Variants in FOXH1 observed in about 807,000 individuals in gnomAD.
FOXH1 encodes the protein forkhead box H1, also known as forkhead box protein H1.
A neutral mutation model predicts 14.2 loss-of-function variants in FOXH1; 10 were observed. The ratio of observed to expected loss-of-function variants is 0.70; its 90% CI spans 0.43 to 1.19. The LOEUF is 1.19. Among genes scored for constraint, FOXH1 ranks in the 50% most tolerant of loss-of-function variants. The probability of loss-of-function intolerance (pLI) is 0.00; values close to 1 mark genes in which losing one functional copy is unlikely to be tolerated. For missense variants in FOXH1, 643 were observed against 492.1 expected (o/e 1.31, Z -2.90); for synonymous variants, 273 against 209.5 (o/e 1.30, Z -2.62).
intron 1 of FOXH1, 42 bp downstream of exon 1, chr8:144,475,541 C>T (rs1393956384): frequency 3.5e-6 from 5 of 1,424,098 alleles, no homozygotes; most frequent in East Asian, 5.0e-5. Context: ...GGGTGGGGAA[C>T]GAGTCTGGGG....
chr8:144,475,148 C>T lies in FOXH1; in HGVS notation c.279+9G>A, dbSNP rs1259795256. On this transcript the variant is annotated intron_variant, in intron 2 of 2. Transcript: ENST00000377317. Reference sequence around the variant, plus strand: ...TCCGCCCCCGGGCTCCGACCCTGGCCTGCCCCACCTTGCGGAAGCATCGGT... The same window carrying T: ...TCCGCCCCCGGGCTCCGACCCTGGCTTGCCCCACCTTGCGGAAGCATCGGT... 1.2e-6 allele frequency: 2 copies of T among 1,612,776 alleles called. No homozygotes were observed. Among genetic ancestry groups the T allele is most frequent in the Non-Finnish European group, 1.7e-6 (2 of 1,179,558 alleles).
rs1825079949 is a variant in FOXH1, at chr8:144,474,560, G to A, written c.776C>T (p.Ala259Val). The A allele has an allele frequency of 9.3e-6, 15 of 1,610,770 alleles. No homozygotes were observed. The East Asian group carries it at 1.8e-4, about 19-fold the overall frequency. The change falls in exon 3 of 3, where the codon GCA becomes GTA. Residue 259 changes from alanine to valine, a missense_variant. Physicochemically the swap from Ala to Val is moderately conservative, Grantham distance 64. Transcript: ENST00000377317. ...CCCGCTGGACCGTCCCCCAGGAACT[G>A]CGGTGCCCTGCAGTAAGTGGAGAGG... is the stretch of plus-strand genomic sequence containing the variant. ...AWPLHLLQGT[A>V]VPGGRSSGGH...
At chr8:144,475,553 AAG>A (rs749719443) in intron 1 of FOXH1, 28 bp downstream of exon 1, 8 of 1,442,886 alleles carry the variant, frequency 5.5e-6, no homozygotes, top group African/African-American at 2.9e-5. Context: ...AGTCTGGGGA[AAG>A]AGAGAGTGGG....
In FOXH1 at chr8:144,474,215, G is replaced by A. The variant is rs541830947; in HGVS notation, c.*23C>T. On this transcript the variant is annotated 3_prime_UTR_variant, in exon 3 of 3. Transcript: ENST00000377317. ...AGGTGGGGGTGGGAGCGGGAGGGAG[G>A]AGTGGCCCCTGTCTTAAGAGCCTCA... The A allele has an allele frequency of 4.1e-4, 628 of 1,517,744 alleles. No homozygotes were observed. Among genetic ancestry groups the A allele is most frequent in the Non-Finnish European group, 5.2e-4 (584 of 1,128,346 alleles). The allele number at this position is 1,517,744 out of a possible 1,614,324, so 94.0% of individuals were successfully genotyped here.
At chr8:144,475,446 G>C in intron 1 of FOXH1, 137 bp downstream of exon 1, 1 of 849,434 alleles carries the variant, frequency 1.2e-6, no homozygotes. Context: ...GTCGTGCCTT[G>C]AGGCCCTCAG....
chr8:144,474,397 C>T lies in FOXH1; in HGVS notation c.939G>A (p.Val313=), dbSNP rs1825072775. The change falls in exon 3 of 3, where the codon GTG becomes GTA. Residue 313 remains valine, a synonymous_variant. Transcript: ENST00000377317. ...CTGGGGGCCCTCGGGTTTCAGGGGC[C>T]ACCCCCCAGTAGGCAGGGCTGGTTG... The part of the protein sequence containing the change: ...CPSTSPAYWG[V]APETRGPPGL... The T allele has an allele frequency of 2.5e-6, 4 of 1,613,158 alleles. No homozygotes were observed. Among genetic ancestry groups the T allele is most frequent in the Admixed American group, 1.7e-5 (1 of 60,012 alleles).
Position 144,474,198 on chromosome 8 carries a change from G to T in FOXH1, c.*40C>A. 1 of 1,453,174 alleles carries T rather than the reference G, an allele frequency of 6.9e-7. No homozygotes were observed. Among genetic ancestry groups the T allele is most frequent in the Non-Finnish European group, 9.3e-7 (1 of 1,079,426 alleles). 90.0% of individuals were successfully genotyped at this position (1,453,174 alleles called of 1,614,324 possible). A position where few individuals can be genotyped will look rare whatever the true frequency, so the allele number is the denominator to read the frequency against. ...TTGGCTCCCTGTCAACAAGGTGGGG[G>T]TGGGAGCGGGAGGGAGGAGTGGCCC... On this transcript the variant is annotated 3_prime_UTR_variant, in exon 3 of 3. Coordinates refer to ENST00000377317, the MANE Select transcript of FOXH1 (RefSeq NM_003923.3).
At position 144,474,809 on chromosome 8, in the gene FOXH1, G is replaced by A; in HGVS notation, c.527C>T (p.Ser176Phe). ...CCCCGGCCAGGGTGCCCCCTCCCCG[G>A]ACCCTCCTAGCAGGGACTTGATGCT... ...GFSIKSLLGG[S>F]GEGAPWPGLA... Residue 176 changes from serine to phenylalanine, a missense_variant, in exon 3 of 3, where the codon TCC becomes TTC. Coordinates refer to ENST00000377317, the MANE Select transcript of FOXH1 (RefSeq NM_003923.3). The A allele has an allele frequency of 1.2e-6, 2 of 1,609,238 alleles. No homozygotes were observed. The highest frequency in any genetic ancestry group is 1.7e-6 in the Non-Finnish European group (2 of 1,178,046).
At chr8:144,475,406 G>T in intron 1 of FOXH1, 145 bp from the exon 2 acceptor site, 1 of 920,710 alleles carries the variant, frequency 1.1e-6, no homozygotes, top group Non-Finnish European at 1.7e-6. Flanking sequence ...CGGAAGCGCG[G>T]CAGAGAGGGC....
intron 1 of FOXH1, 44 bp from the exon 2 acceptor site, chr8:144,475,305 G>A: frequency 6.6e-7 from 1 of 1,516,244 alleles, no homozygotes; most frequent in Middle Eastern, 1.8e-4. Context: ...GCCCAGACGG[G>A]GAGGGGGTAG....
chr8:144,474,226 G>A lies in FOXH1; in HGVS notation c.*12C>T, dbSNP rs763785097. 4 of 1,549,306 alleles carry A rather than the reference G, an allele frequency of 2.6e-6. No homozygotes were observed. Among genetic ancestry groups the A allele is most frequent in the Admixed American group, 3.9e-5 (2 of 51,878 alleles). On this transcript the variant is annotated 3_prime_UTR_variant, in exon 3 of 3. Coordinates refer to ENST00000377317, the MANE Select transcript of FOXH1 (RefSeq NM_003923.3). Reference sequence around the variant, plus strand: ...GGAGCGGGAGGGAGGAGTGGCCCCTGTCTTAAGAGCCTCACAGGCTGCACC... The same window carrying A: ...GGAGCGGGAGGGAGGAGTGGCCCCTATCTTAAGAGCCTCACAGGCTGCACC...
intron 1 of FOXH1, 39 bp from the exon 2 acceptor site, chr8:144,475,300 G>C (rs759905866): frequency 1.3e-6 from 2 of 1,542,158 alleles, no homozygotes; most frequent in South Asian, 2.3e-5. Context: ...CGTGAGCCCA[G>C]ACGGGGAGGG....
rs778693615 is a variant in FOXH1, at chr8:144,475,801, G to T, written c.-45C>A. The T allele has an allele frequency of 2.3e-6, 3 of 1,304,786 alleles. No homozygotes were observed. The highest frequency in any genetic ancestry group is 3.0e-6 in the Non-Finnish European group (3 of 1,013,536). 80.8% of individuals were successfully genotyped at this position (1,304,786 alleles called of 1,614,324 possible). A position where few individuals can be genotyped will look rare whatever the true frequency, so the allele number is the denominator to read the frequency against. The stretch of plus-strand genomic sequence containing the variant: ...GGGCAGGGGCCTGGCCGGGTGGAGG[G>T]TGCAGGGCGGTGGGGCAGTGTAGAA... On this transcript the variant is annotated 5_prime_UTR_variant, in exon 1 of 3. Coordinates refer to ENST00000377317, the MANE Select transcript of FOXH1 (RefSeq NM_003923.3).
In FOXH1 at chr8:144,475,254, C is replaced by A. The variant is rs138436343; in HGVS notation, c.182G>T (p.Arg61Leu). The stretch of plus-strand genomic sequence containing the variant: ...GAAGGGGAACACGGCCTGGACCTGA[C>A]GGATGATCTGAAACCGCCAGGCGGC... ...SRRLKLAQII[R>L]QVQAVFPFFR... is the part of the protein sequence containing the mutation. Residue 61 changes from arginine to leucine, a missense_variant, in exon 2 of 3, where the codon CGT becomes CTT. Arg to Leu is a moderately radical substitution (Grantham distance 102). Coordinates refer to ENST00000377317, the MANE Select transcript of FOXH1 (RefSeq NM_003923.3). 1.9e-6 allele frequency: 3 copies of A among 1,612,538 alleles called. No individual in the cohort carries two copies. Among genetic ancestry groups the A allele is most frequent in the East Asian group, 4.5e-5 (2 of 44,862 alleles).
In FOXH1 at chr8:144,475,258, T is replaced by C. The variant is rs1586728402; in HGVS notation, c.178A>G (p.Ile60Val). Residue 60 changes from isoleucine (I) to valine (V), a missense_variant, in exon 2 of 3, where the codon ATC (isoleucine) becomes GTC (valine). By Grantham distance (29) the Ile-to-Val change is conservative. Transcript: ENST00000377317. ...GGGAACACGGCCTGGACCTGACGGA[T>C]GATCTGAAACCGCCAGGCGGCCGGC... ...PSRRLKLAQIIRQVQAVFPFF... is the reference protein window; with the variant it reads ...PSRRLKLAQIVRQVQAVFPFF... 6.2e-7 allele frequency: 1 copy of C among 1,612,346 alleles called. No individual in the cohort carries two copies. Among genetic ancestry groups the C allele is most frequent in the Non-Finnish European group, 8.5e-7 (1 of 1,179,462 alleles).
Position 144,475,271 on chromosome 8 carries a change from C to CCAGG in FOXH1, c.175-14_175-11dup, listed in dbSNP as rs1564752487. ...GGACCTGACGGATGATCTGAAACCG[C>CCAGG]CAGGCGGCCGGCCGGCGCCGTGAGC... On this transcript the variant is annotated splice_polypyrimidine_tract_variant and intron_variant, in intron 1 of 2. Transcript: ENST00000377317. The CCAGG allele has an allele frequency of 6.2e-7, 1 of 1,608,544 alleles. No individual in the cohort carries two copies. The highest frequency in any genetic ancestry group is 8.5e-7 in the Non-Finnish European group (1 of 1,176,792).
chr8:144,474,877 T>G lies in FOXH1; in HGVS notation c.459A>C (p.Pro153=). 1 of 1,611,002 alleles carries G rather than the reference T, an allele frequency of 6.2e-7. No homozygotes were observed. Among genetic ancestry groups the G allele is most frequent in the Non-Finnish European group, 8.5e-7 (1 of 1,179,650 alleles). The change falls in exon 3 of 3, where the codon CCA becomes CCC. Residue 153 remains proline, a synonymous_variant. Coordinates refer to ENST00000377317, the MANE Select transcript of FOXH1 (RefSeq NM_003923.3). ...DLGPYVLHGR[P]YRPPSPPPPP... is the part of the protein sequence containing the mutation. ...GTGGCGGGGGACTGGGCGGCCGGTATGGCCGGCCGTGCAGCACGTAGGGGC... is the reference window on the plus strand; with the variant it reads ...GTGGCGGGGGACTGGGCGGCCGGTAGGGCCGGCCGTGCAGCACGTAGGGGC...
At chr8:144,475,409 G>A (rs1160347914) in intron 1 of FOXH1, 148 bp from the exon 2 acceptor site, 1 of 920,614 alleles carries the variant, frequency 1.1e-6, no homozygotes, top group Non-Finnish European at 1.7e-6. Flanking sequence ...AAGCGCGGCA[G>A]AGAGGGCAAG....
chr8:144,474,881 C>G lies in FOXH1; in HGVS notation c.455G>C (p.Arg152Pro). ...CGGGGGACTGGGCGGCCGGTATGGC[C>G]GGCCGTGCAGCACGTAGGGGCCCAG... Reference protein sequence around the residue: ...KDLGPYVLHGRPYRPPSPPPP... With the variant: ...KDLGPYVLHGPPYRPPSPPPP... The change falls in exon 3 of 3, where the codon CGG (arginine) becomes CCG (proline). Residue 152 changes from arginine (R) to proline (P), a missense_variant. Physicochemically the swap from Arg to Pro is moderately radical, Grantham distance 103. Transcript: ENST00000377317. 2 of 1,610,912 alleles carry G rather than the reference C, an allele frequency of 1.2e-6. No individual in the cohort carries two copies. Among genetic ancestry groups the G allele is most frequent in the Non-Finnish European group, 1.7e-6 (2 of 1,179,672 alleles).
Sources: allele counts gnomAD v4.1 joint callset, GRCh38; gene constraint gnomAD v4.1.1; transcripts MANE v1.5; gene names NCBI Gene and HGNC (gene_info 2026-07-23, HGNC 2026-07-21).